The following MTBP variants were observed in gnomAD, a reference collection of about 807,000 sequenced individuals.
MTBP encodes the protein MDM2 binding protein, also known as mdm2-binding protein.
Under a neutral mutation model 117.0 loss-of-function variants are expected in MTBP, and 101 were observed. That is an observed-to-expected ratio of 0.86 (90% CI 0.73 to 1.02). The LOEUF (loss-of-function observed/expected upper bound fraction) is 1.02. MTBP is among the 50% of genes least tolerant of loss of function. The probability of loss-of-function intolerance (pLI) is 0.00; values close to 1 mark genes in which losing one functional copy is unlikely to be tolerated. For missense variants in MTBP, 970 were observed against 1,030.9 expected (o/e 0.94, Z 0.81); for synonymous variants, 350 against 351.5 (o/e 1.00, Z 0.05).
In MTBP at chr8:120,490,577, A is replaced by G. The variant is rs1814323742; in HGVS notation, c.1447+7A>G. The stretch of plus-strand genomic sequence containing the variant: ...GCTTTGGAAGAATGCCTAAGTAAGT[A>G]ACAATTTGTGTATTTTATCCTACCC... On this transcript the variant is annotated splice_region_variant and intron_variant, in intron 13 of 21. Coordinates refer to ENST00000305949, the MANE Select transcript of MTBP (RefSeq NM_022045.5). The G allele has an allele frequency of 6.4e-7, 1 of 1,556,914 alleles. No homozygotes were observed. The highest frequency in any genetic ancestry group is 8.8e-7 in the Non-Finnish European group (1 of 1,139,146).
chr8:120,459,930 A>T lies in MTBP; in HGVS notation c.882+581A>T, dbSNP rs1813548464. Among the ~76,000 whole-genome samples the T allele has an allele frequency of 2.0e-5, 3 of 152,294 alleles. No individual in the cohort carries two copies. In the South Asian group the frequency reaches 6.2e-4, roughly 32 times the overall value. ...TTCTTAAAATGCAAGTAATTATAAA[A>T]TATAATAACTAGGAAAAGGCTTAGT... On this transcript the variant is annotated intron_variant, in intron 8 of 21. Coordinates refer to ENST00000305949, the MANE Select transcript of MTBP (RefSeq NM_022045.5).
chr8:120,488,329 T>A lies in MTBP; in HGVS notation c.1336T>A (p.Leu446Met). 6.5e-7 allele frequency: 1 copy of A among 1,540,412 alleles called. No homozygotes were observed. The highest frequency in any genetic ancestry group is 2.2e-5 in the Admixed American group (1 of 45,030). ...KMKTKTEEAK[L>M]SFPFDLLSLP... ...GAAAACAAAGACAGAAGAAGCCAAATTGAGTAAGTGTTAACTTCAGGTAGA... is the reference window on the plus strand; with the variant it reads ...GAAAACAAAGACAGAAGAAGCCAAAATGAGTAAGTGTTAACTTCAGGTAGA... The change falls in exon 12 of 22, where the codon TTG becomes ATG. Residue 446 changes from leucine (L) to methionine (M), a missense_variant. Coordinates refer to ENST00000305949, the MANE Select transcript of MTBP (RefSeq NM_022045.5).
intron 14 of MTBP, among the ~76,000 whole-genome samples, chr8:120,501,046 C>T (rs955425830): frequency 1.3e-5 from 2 of 152,078 alleles, no homozygotes; most frequent in African/African-American, 4.8e-5. Context: ...AAAAAATTAG[C>T]CGGGCGTGGT....
chr8:120,495,767 T>C (rs1814440802), intron 13 of MTBP, among the ~76,000 whole-genome samples: 4 of 152,174 alleles, frequency 2.6e-5, no homozygotes, highest in Admixed American at 2.6e-4. Flanking sequence ...GATTTTTTTT[T>C]CTTTATCAAA....
chr8:120,488,182 G>C lies in MTBP; in HGVS notation c.1189G>C (p.Glu397Gln). Residue 397 changes from glutamate (E) to glutamine (Q), a missense_variant, in exon 12 of 22, where the codon GAG becomes CAG. By Grantham distance (29) the Glu-to-Gln change is conservative (BLOSUM62 2). Transcript: ENST00000305949. The stretch of plus-strand genomic sequence containing the variant: ...AGTTCCAGATGTTGAAGTGAAAGGA[G>C]AGTGTTCTAGCTATTATCTCTTGTT... ...ISVPDVEVKGECSSYYLLLQG... is the reference protein window; with the variant it reads ...ISVPDVEVKGQCSSYYLLLQG... 1 of 1,582,272 alleles carries C rather than the reference G, an allele frequency of 6.3e-7. No homozygotes were observed. Among genetic ancestry groups the C allele is most frequent in the Non-Finnish European group, 8.6e-7 (1 of 1,169,366 alleles).
intron 11 of MTBP, among the ~76,000 whole-genome samples, chr8:120,486,724 G>A (rs1429677583): frequency 6.6e-6 from 1 of 152,034 alleles, no homozygotes; most frequent in Non-Finnish European, 1.5e-5. Context: ...GTCCATCTGT[G>A]TTGGGAATGG....
rs756871284 is a variant in MTBP, at chr8:120,506,740, C to G, written c.1762C>G (p.Leu588Val). The G allele has an allele frequency of 1.2e-6, 2 of 1,612,532 alleles. No individual in the cohort carries two copies. The highest frequency in any genetic ancestry group is 1.7e-6 in the Non-Finnish European group (2 of 1,179,402). Residue 588 changes from leucine (L) to valine (V), a missense_variant, in exon 16 of 22, where the codon CTG becomes GTG. Coordinates refer to ENST00000305949, the MANE Select transcript of MTBP (RefSeq NM_022045.5). ...GSLPHSSEQLLGHKEGPRDSI... is the reference protein window; with the variant it reads ...GSLPHSSEQLVGHKEGPRDSI... Reference sequence around the variant, plus strand: ...ATTACCTCATTCATCTGAACAGTTGCTGGGCCACAAAGAGGGTCCTCGGGA... The same window carrying G: ...ATTACCTCATTCATCTGAACAGTTGGTGGGCCACAAAGAGGGTCCTCGGGA...
intron 11 of MTBP, chr8:120,472,634 G>T (rs983225131): frequency 2.6e-5 from 4 of 152,156 alleles, no homozygotes; most frequent in African/African-American, 7.2e-5. Context: ...CTTCTCAGAT[G>T]ATCTCTCCTG....
chr8:120,450,518 A>G lies in MTBP; in HGVS notation c.200-485A>G, dbSNP rs377149578. Among the ~76,000 whole-genome samples the G allele has an allele frequency of 6.7e-4, 102 of 152,232 alleles. 1 individual carries two copies. The highest frequency in any genetic ancestry group is 2.3e-3 in the African/African-American group (95 of 41,542). On this transcript the variant is annotated intron_variant, in intron 2 of 21. Transcript: ENST00000305949. Reference sequence around the variant, plus strand: ...GGGTGACCCTTAATTTTATATCCTCATATAATACTCCATTCTCCAAGAAGA... The same window carrying G: ...GGGTGACCCTTAATTTTATATCCTCGTATAATACTCCATTCTCCAAGAAGA...
chr8:120,450,945 G>A (rs752830214), intron 2 of MTBP, 58 bp from the exon 3 acceptor site: 5 of 1,208,180 alleles, frequency 4.1e-6, no homozygotes, highest in Non-Finnish European at 6.1e-6. Flanking sequence ...TATATATGCT[G>A]TGTCATCTGC....
intron 3 of MTBP, 37 bp from the exon 4 acceptor site, chr8:120,451,134 A>G (rs375235056): frequency 1.7e-5 from 27 of 1,576,306 alleles, no homozygotes; most frequent in Non-Finnish European, 2.0e-5. Flanking sequence ...AAATAATTTC[A>G]TGATCCATTA....
At chr8:120,448,665 C>A (rs1365846818) in intron 2 of MTBP, among the ~76,000 whole-genome samples, 1 of 152,154 alleles carries the variant, frequency 6.6e-6, no homozygotes, top group Non-Finnish European at 1.5e-5. Flanking sequence ...GAGAAGCTTG[C>A]AATGAAGTCT....
chr8:120,515,857 T>C, intron 17 of MTBP, 68 bp from the exon 18 acceptor site: 1 of 1,389,254 alleles, frequency 7.2e-7, no homozygotes, highest in Non-Finnish European at 9.9e-7. Context: ...TGCTATTTTC[T>C]CATTGAAAGG....
At chr8:120,511,076 C>T (rs997406017) in intron 17 of MTBP, among the ~76,000 whole-genome samples, 4 of 152,030 alleles carry the variant, frequency 2.6e-5, no homozygotes, top group African/African-American at 4.8e-5. Context: ...ATCGGCAACT[C>T]GGAGATAGCT....
chr8:120,448,448 C>T (rs1813271573), intron 2 of MTBP, among the ~76,000 whole-genome samples: 1 of 152,122 alleles, frequency 6.6e-6, no homozygotes, highest in Non-Finnish European at 1.5e-5. Context: ...TTAAAAAATT[C>T]CCTCATCCAT....
Position 120,497,475 on chromosome 8 carries a change from T to C in MTBP, c.1530T>C (p.Phe510=). ...TGTTAGTACTCACAAGGAAACACTT[T>C]TTAGATTATTTTGATGCTGTGATTC... is the stretch of plus-strand genomic sequence containing the variant. ...KSLLVLTRKH[F]LDYFDAVIPK... The change falls in exon 14 of 22, where the codon TTT becomes TTC. Residue 510 remains phenylalanine (F), a synonymous_variant. Transcript: ENST00000305949. 1 of 1,601,220 alleles carries C rather than the reference T, an allele frequency of 6.2e-7. No homozygotes were observed. The highest frequency in any genetic ancestry group is 8.5e-7 in the Non-Finnish European group (1 of 1,170,480).
intron 9 of MTBP, 34 bp from the exon 10 acceptor site, chr8:120,463,658 A>G (rs1189968672): frequency 1.3e-6 from 2 of 1,499,372 alleles, no homozygotes. Flanking sequence ...TTTCATGGGT[A>G]CCATTACATC....
At chr8:120,465,276 T>C (rs1033215716) in intron 10 of MTBP, among the ~76,000 whole-genome samples, 1 of 152,166 alleles carries the variant, frequency 6.6e-6, no homozygotes, top group Non-Finnish European at 1.5e-5. Flanking sequence ...GGAATATAGA[T>C]GGTATAGTAG....
intron 15 of MTBP, among the ~76,000 whole-genome samples, chr8:120,506,233 A>G (rs932109679): frequency 6.6e-6 from 1 of 152,166 alleles, no homozygotes; most frequent in Non-Finnish European, 1.5e-5. Context: ...ATTTCTGATT[A>G]TTGTCTCATT....
Sources: allele counts gnomAD v4.1 joint callset (sites outside exome capture counted in the v4.1 genomes callset), GRCh38; gene constraint gnomAD v4.1.1; transcripts MANE v1.5; gene names NCBI Gene and HGNC (gene_info 2026-07-23, HGNC 2026-07-21).